The following C1orf198 variants were observed in gnomAD, a reference collection of about 807,000 sequenced individuals.
C1orf198 encodes the protein uncharacterized protein C1orf198.
A neutral mutation model predicts 31.4 loss-of-function variants in C1orf198; 17 were observed. The ratio of observed to expected loss-of-function variants is 0.54; its 90% confidence interval spans 0.37 to 0.81. The LOEUF (loss-of-function observed/expected upper bound fraction) is 0.81. Among genes scored for constraint, C1orf198 ranks in the 40% least tolerant of loss-of-function variants. The probability of loss-of-function intolerance (pLI) is 0.00; values close to 1 mark genes in which losing one functional copy is unlikely to be tolerated. For missense variants in C1orf198, 401 were observed against 450.3 expected (o/e 0.89, Z 0.99); for synonymous variants, 175 against 193.8 (o/e 0.90, Z 0.81).
rs753544375 is a variant in C1orf198 at position 230,843,345 on chromosome 1, G to C, written c.927+9C>G. On this transcript the variant is annotated intron_variant, in intron 3 of 3. Coordinates refer to ENST00000366663, the MANE Select transcript of C1orf198 (RefSeq NM_032800.3). The surrounding 1 kb of genome is among the most constrained non-coding windows in gnomAD (Gnocchi z 4.9). ...CCCATCTGAGGACGCGCTGGTAAAG[G>C]CCACTCACCTGTGCAAACTTGGGTT... The C allele has an allele frequency of 2.6e-6, 4 of 1,552,294 alleles. No individual in the cohort carries two copies. Among genetic ancestry groups the C allele is most frequent in the Middle Eastern group, 1.7e-4 (1 of 5,992 alleles).
rs1410222582 is a variant in C1orf198 at position 230,843,568 on chromosome 1, C to T, written c.713G>A (p.Arg238Lys). ...GCTGGGCCTTTCCACCTTGGCCTCC[C>T]TGTCCTTCGGGGCAGGTTCCTGCCG... Reference protein sequence around the residue: ...CYRQEPAPKDREAKVERPSTL... With the variant: ...CYRQEPAPKDKEAKVERPSTL... The change falls in exon 3 of 4, where the codon AGG (arginine) becomes AAG (lysine). Residue 238 changes from arginine to lysine, a missense_variant. Physicochemically the swap from Arg to Lys is conservative, Grantham distance 26. Transcript: ENST00000366663. This position sits in a 1 kb window ranked among gnomAD's most constrained non-coding sequence, Gnocchi z 4.9. 1 of 1,613,992 alleles carries T rather than the reference C, an allele frequency of 6.2e-7. No individual in the cohort carries two copies. The highest frequency in any genetic ancestry group is 1.3e-5 in the African/African-American group (1 of 75,070).
At position 230,852,456 on chromosome 1, in the gene C1orf198, T is replaced by G. The variant is rs562288178; in HGVS notation, c.384+3212A>C. 2.0e-5 allele frequency among the ~76,000 whole-genome samples: 3 copies of G among 152,306 alleles called. No homozygotes were observed. The South Asian group carries it at 6.2e-4, about 32-fold the overall frequency. On this transcript the variant is annotated intron_variant, in intron 2 of 3. Coordinates refer to ENST00000366663, the MANE Select transcript of C1orf198 (RefSeq NM_032800.3). ...AGAGTTTCAGTCTTGCAAGATGAGT[T>G]CTGGAGGTGTGGATTAGCTTGACTT...
chr1:230,844,016 T>A, intron 2 of C1orf198, 120 bp from the exon 3 acceptor site: 1 of 1,056,140 alleles, frequency 9.5e-7, no homozygotes, highest in East Asian at 2.5e-5. Flanking sequence ...CACACACGAG[T>A]TGTTGCCCAT....
At chr1:230,849,369 G>A (rs183793770) in intron 2 of C1orf198, among the ~76,000 whole-genome samples, 37 of 152,316 alleles carry the variant, frequency 2.4e-4, no homozygotes, top group African/African-American at 7.9e-4. Context: ...ACAGAAAGCC[G>A]GGGTTTGGGG....
At chr1:230,858,280 G>A (rs549852456) in intron 1 of C1orf198, among the ~76,000 whole-genome samples, 8 of 152,296 alleles carry the variant, frequency 5.3e-5, no homozygotes, top group African/African-American at 1.7e-4. Context: ...GTTCCGTTTA[G>A]AAGCAATCAA....
At chr1:230,868,030 T>C (rs987395670) in intron 1 of C1orf198, 150 bp downstream of exon 1, 3 of 815,398 alleles carry the variant, frequency 3.7e-6, no homozygotes, top group Non-Finnish European at 5.1e-6. Flanking sequence ...ACTTCGGCTC[T>C]GGGGCTCCCC....
intron 2 of C1orf198, among the ~76,000 whole-genome samples, chr1:230,844,424 A>T (rs1437456216): frequency 2.0e-5 from 3 of 152,096 alleles, no homozygotes; most frequent in African/African-American, 2.4e-5. Context: ...AGCCAAGCAG[A>T]TGCCGATGCC....
intron 1 of C1orf198, among the ~76,000 whole-genome samples, chr1:230,860,184 TG>T (rs1462115148): frequency 6.6e-6 from 1 of 152,180 alleles, no homozygotes; most frequent in Non-Finnish European, 1.5e-5. Flanking sequence ...CCCACAAGGA[TG>T]GCTACTATCA....
chr1:230,845,651 C>A (rs1197200472), intron 2 of C1orf198, among the ~76,000 whole-genome samples: 1 of 151,686 alleles, frequency 6.6e-6, no homozygotes, highest in Non-Finnish European at 1.5e-5. Context: ...TCATTGCACT[C>A]CAGCCTGGGC....
chr1:230,855,562 G>A (rs1270451020), intron 2 of C1orf198, 106 bp downstream of exon 2: 4 of 1,217,410 alleles, frequency 3.3e-6, no homozygotes, highest in Non-Finnish European at 3.5e-6. Flanking sequence ...CTGCAGCCTG[G>A]CAGTCAGGGG....
chr1:230,857,491 G>C lies in C1orf198; in HGVS notation c.334-1773C>G, dbSNP rs1001094049. On this transcript the variant is annotated intron_variant, in intron 1 of 3. Transcript: ENST00000366663. The surrounding 1 kb of genome is among the most constrained non-coding windows in gnomAD (Gnocchi z 4.2). ...GGGGCACAGGCTCTTCACAGCTCTT[G>C]GCCCCAGGAGGAAGAGCCAGCCATC... 3.3e-5 allele frequency among the ~76,000 whole-genome samples: 5 copies of C among 152,162 alleles called. No individual in the cohort carries two copies. The highest frequency in any genetic ancestry group is 5.9e-5 in the Non-Finnish European group (4 of 68,034).
At chr1:230,851,282 C>T (rs1245150979) in intron 2 of C1orf198, among the ~76,000 whole-genome samples, 1 of 152,140 alleles carries the variant, frequency 6.6e-6, no homozygotes, top group African/African-American at 2.4e-5. Flanking sequence ...AAAGGAGAAG[C>T]AGCCAGACAG....
At chr1:230,864,229 T>C (rs1168406032) in intron 1 of C1orf198, among the ~76,000 whole-genome samples, 2 of 152,194 alleles carry the variant, frequency 1.3e-5, no homozygotes, top group Non-Finnish European at 2.9e-5. Flanking sequence ...TGGTTTATTT[T>C]AGAAAGCAAA....
At position 230,847,467 on chromosome 1, in the gene C1orf198, A is replaced by T. The variant is rs559836934; in HGVS notation, c.385-3571T>A. Among the ~76,000 whole-genome samples the T allele has an allele frequency of 1.0e-3, 157 of 152,264 alleles. 3 individuals are homozygous for T. In the South Asian group the frequency reaches 0.031, roughly 30 times the overall value. On this transcript the variant is annotated intron_variant, in intron 2 of 3. Transcript: ENST00000366663. ...TAAATTGTCCTAGGGTCACTAGCCC[A>T]TTAGGAGATTGTGCAGCTGGGATTT...
rs138642377 is a variant in C1orf198, at chr1:230,843,783, C to T, written c.498G>A (p.Lys166=). The T allele has an allele frequency of 1.5e-4, 242 of 1,610,216 alleles. No homozygotes were observed. The highest frequency in any genetic ancestry group is 1.9e-4 in the Non-Finnish European group (226 of 1,177,620). The change falls in exon 3 of 4, where the codon AAG becomes AAA. Residue 166 remains lysine (K), a synonymous_variant. Transcript: ENST00000366663. This position sits in a 1 kb window ranked among gnomAD's most constrained non-coding sequence, Gnocchi z 4.9. ...SKASQGSQAL[K]SSQGSRSSSL... ...TGGAGGACCTGCTGCCTTGGGAGGA[C>T]TTGAGGGCCTGGGAGCCCTGGGAAG... is the stretch of plus-strand genomic sequence containing the variant.
rs1255717268 is a variant in C1orf198, at chr1:230,837,882, G to C, written c.*1970C>G. On this transcript the variant is annotated 3_prime_UTR_variant, in exon 4 of 4. Transcript: ENST00000366663. The stretch of plus-strand genomic sequence containing the variant: ...TTCCTACAGCCCTCAGCACCAAGAA[G>C]AACTTGGAGGGAATATTGGGCTTGT... The C allele has an allele frequency of 6.6e-6, 1 of 152,220 alleles. No homozygotes were observed. Among genetic ancestry groups the C allele is most frequent in the Non-Finnish European group, 1.5e-5 (1 of 68,036 alleles). The allele number at this position is 152,220 out of a possible 1,614,324, so 9.4% of individuals were successfully genotyped here.
rs947838945 is a variant in C1orf198 at position 230,838,427 on chromosome 1, G to A, written c.*1425C>T. On this transcript the variant is annotated 3_prime_UTR_variant, in exon 4 of 4. Coordinates refer to ENST00000366663, the MANE Select transcript of C1orf198 (RefSeq NM_032800.3). This position sits in a 1 kb window ranked among gnomAD's most constrained non-coding sequence, Gnocchi z 4.2. Reference sequence around the variant, plus strand: ...AGAAACTTTCCTGGAGATGATGAGGGGTTGAGGTGAGTTGCTATGTGCTTT... The same window carrying A: ...AGAAACTTTCCTGGAGATGATGAGGAGTTGAGGTGAGTTGCTATGTGCTTT... 4 of 152,514 alleles carry A rather than the reference G, an allele frequency of 2.6e-5. No homozygotes were observed. Among genetic ancestry groups the A allele is most frequent in the African/African-American group, 9.7e-5 (4 of 41,398 alleles). 9.4% of individuals were successfully genotyped at this position (152,514 alleles called of 1,614,324 possible).
At position 230,864,589 on chromosome 1, in the gene C1orf198, C is replaced by T. The variant is rs148580960; in HGVS notation, c.333+3591G>A. ...TGGCTCCGGGTTCTTTAAAAATCCA[C>T]GTTCCACAACATGTGAAACCCCGAT... On this transcript the variant is annotated intron_variant, in intron 1 of 3. Coordinates refer to ENST00000366663, the MANE Select transcript of C1orf198 (RefSeq NM_032800.3). 7.9e-5 allele frequency among the ~76,000 whole-genome samples: 12 copies of T among 152,270 alleles called. No individual in the cohort carries two copies. In the East Asian group the frequency reaches 1.9e-3, roughly 25 times the overall value.
At chr1:230,858,519 G>A (rs926088218) in intron 1 of C1orf198, among the ~76,000 whole-genome samples, 23 of 152,140 alleles carry the variant, frequency 1.5e-4, no homozygotes, top group Admixed American at 1.0e-3. Flanking sequence ...AGGAAGAACC[G>A]GCCATCCACA....
Sources: allele counts gnomAD v4.1 joint callset (sites outside exome capture counted in the v4.1 genomes callset), GRCh38; gene constraint gnomAD v4.1.1; non-coding constraint Gnocchi (gnomAD v3.1); transcripts MANE v1.5; gene names NCBI Gene and HGNC (gene_info 2026-07-23, HGNC 2026-07-21).